The following AK7 variants were observed in gnomAD, a reference collection of about 807,000 sequenced individuals.
The protein encoded by AK7 is adenylate kinase 7, also known as ATP-AMP transphosphorylase 7.
A neutral mutation model predicts 96.6 loss-of-function variants in AK7; 78 were observed. That is an observed-to-expected ratio of 0.81 (90% CI 0.67 to 0.97). The LOEUF (loss-of-function observed/expected upper bound fraction) is 0.97. Ranked by LOEUF, AK7 falls within the 50% of genes least tolerant of loss-of-function variation. The pLI is 0.00. For missense variants in AK7, 855 were observed against 887.9 expected, an observed-to-expected ratio of 0.96 and a Z score of 0.47; for synonymous variants, 302 against 317.2, an observed-to-expected ratio of 0.95 and a Z score of 0.51.
At chr14:96,407,370 G>A (rs1695037333) in intron 3 of AK7, among the ~76,000 whole-genome samples, 1 of 152,122 alleles carries the variant, frequency 6.6e-6, no homozygotes, top group Non-Finnish European at 1.5e-5. Flanking sequence ...TGATCATAGT[G>A]TTCTTAGACT....
chr14:96,452,746 C>T (rs1238688244), intron 10 of AK7, among the ~76,000 whole-genome samples: 1 of 151,982 alleles, frequency 6.6e-6, no homozygotes, highest in East Asian at 1.9e-4. Context: ...GCAACCTCTG[C>T]CTCCCAGGTT....
At chr14:96,458,058 A>G (rs1420440572) in intron 11 of AK7, 25 bp from the exon 12 acceptor site, 5 of 1,609,024 alleles carry the variant, frequency 3.1e-6, no homozygotes, top group African/African-American at 2.7e-5. Flanking sequence ...GCATCATCCA[A>G]TGTGAATATC....
chr14:96,467,746 C>T (rs1199461613), intron 12 of AK7, among the ~76,000 whole-genome samples: 1 of 152,116 alleles, frequency 6.6e-6, no homozygotes, highest in Non-Finnish European at 1.5e-5. Context: ...GATTTTTAAA[C>T]TTTTGTATCT....
chr14:96,421,851 C>T (rs542707269), intron 5 of AK7, among the ~76,000 whole-genome samples: 17 of 152,254 alleles, frequency 1.1e-4, no homozygotes, highest in Admixed American at 2.6e-4. Context: ...GTGATCCGCC[C>T]GCCTGGAACT....
intron 4 of AK7, among the ~76,000 whole-genome samples, chr14:96,412,841 A>G (rs1482322907): frequency 7.2e-5 from 11 of 152,236 alleles, no homozygotes; most frequent in Non-Finnish European, 1.6e-4. Context: ...TGCTGGGATT[A>G]CAGGCGTGAG....
intron 12 of AK7, among the ~76,000 whole-genome samples, chr14:96,459,853 G>A (rs1450582152): frequency 6.6e-6 from 1 of 151,832 alleles, no homozygotes; most frequent in African/African-American, 2.4e-5. Context: ...CTCTAGCCTG[G>A]GCAACAGAGA....
intron 17 of AK7, 151 bp from the exon 18 acceptor site, chr14:96,488,154 C>T: frequency 5.2e-6 from 3 of 578,902 alleles, no homozygotes; most frequent in Non-Finnish European, 9.3e-6. Flanking sequence ...CTCAAGTGAT[C>T]CACCCGCCTC....
At chr14:96,424,187 C>G in intron 5 of AK7, 1 of 586,554 alleles carries the variant, frequency 1.7e-6, no homozygotes, top group East Asian at 4.1e-5. Flanking sequence ...GGCTCCAGGG[C>G]CCGGACCGCT....
At chr14:96,409,922 T>C (rs560275581) in intron 4 of AK7, among the ~76,000 whole-genome samples, 91 of 152,294 alleles carry the variant, frequency 6.0e-4, no homozygotes, top group Middle Eastern at 3.4e-3. Flanking sequence ...GTGATAACAA[T>C]AGCAATGGTG....
At chr14:96,447,892 C>T (rs991190026) in intron 8 of AK7, among the ~76,000 whole-genome samples, 1 of 152,106 alleles carries the variant, frequency 6.6e-6, no homozygotes, top group Admixed American at 6.6e-5. Flanking sequence ...CTGCCCTTCT[C>T]CTGGCTACTC....
At chr14:96,481,704 CTTT>C (rs574599095) in intron 15 of AK7, among the ~76,000 whole-genome samples, 5 of 132,996 alleles carry the variant, frequency 3.8e-5, no homozygotes, top group Non-Finnish European at 3.2e-5. Context: ...TGACTTTTAC[CTTT>C]TTTTTTTTTT....
intron 2 of AK7, among the ~76,000 whole-genome samples, chr14:96,402,468 T>C (rs1462905223): frequency 1.3e-5 from 2 of 152,184 alleles, no homozygotes; most frequent in African/African-American, 4.8e-5. Context: ...GCTGGAAACA[T>C]AGATGCTGTA....
At chr14:96,439,799 C>T (rs755011861) in intron 6 of AK7, among the ~76,000 whole-genome samples, 1 of 151,902 alleles carries the variant, frequency 6.6e-6, no homozygotes, top group African/African-American at 2.4e-5. Flanking sequence ...GTCTAACAGC[C>T]GCAGGTTCAA....
At chr14:96,425,479 G>GCTTT (rs1595397260) in intron 5 of AK7, among the ~76,000 whole-genome samples, 1 of 63,298 alleles carries the variant, frequency 1.6e-5, no homozygotes, top group Non-Finnish European at 3.0e-5. Context: ...GAGTCACACT[G>GCTTT]ATTTTTTTTT....
In AK7 at chr14:96,471,533, G is replaced by A. The variant is rs755262873; in HGVS notation, c.1413G>A (p.Met471Ile). ...IRFMKEKLKS[M>I]PCRNQGYILD... is the part of the protein sequence containing the mutation. ...TTATGAAAGAAAAGCTAAAATCAAT[G>A]CCTTGCAGGAATCAAGGTTATATTT... The change falls in exon 13 of 18, where the codon ATG (methionine) becomes ATA (isoleucine). Residue 471 changes from methionine (M) to isoleucine (I), a missense_variant. Transcript: ENST00000267584. 1.9e-6 allele frequency: 3 copies of A among 1,571,174 alleles called. No homozygotes were observed. Among genetic ancestry groups the A allele is most frequent in the Non-Finnish European group, 2.6e-6 (3 of 1,148,828 alleles).
chr14:96,458,179 G>A lies in AK7; in HGVS notation c.1324G>A (p.Asp442Asn). 3 of 1,614,054 alleles carry A rather than the reference G, an allele frequency of 1.9e-6. No homozygotes were observed. The highest frequency in any genetic ancestry group is 2.5e-6 in the Non-Finnish European group (3 of 1,179,964). ...TGTGGAAGATGCACAGGAGCTCCTA[G>A]ATGGCATCAAGGAGAGCATGGAGCA... ...ENVEDAQELL[D>N]GIKESMEQNA... Residue 442 changes from aspartate (D) to asparagine (N), a missense_variant, in exon 12 of 18, where the codon GAT (aspartate) becomes AAT (asparagine). Transcript: ENST00000267584.
chr14:96,423,665 C>T, intron 5 of AK7: 1 of 643,538 alleles, frequency 1.6e-6, no homozygotes, highest in Non-Finnish European at 2.9e-6. Context: ...TCGGGGCCTC[C>T]AGGACGGTTC....
chr14:96,438,011 T>C, intron 6 of AK7, 96 bp downstream of exon 6: 4 of 1,026,536 alleles, frequency 3.9e-6, no homozygotes, highest in Non-Finnish European at 5.8e-6. Context: ...GTGTGGTTAG[T>C]GCAGTAGAAT....
chr14:96,447,306 T>G (rs1382628175), intron 8 of AK7, among the ~76,000 whole-genome samples: 1 of 152,188 alleles, frequency 6.6e-6, no homozygotes, highest in African/African-American at 2.4e-5. Context: ...TTTAATATTA[T>G]TTATTTGTTT....
Sources: allele counts gnomAD v4.1 joint callset (sites outside exome capture counted in the v4.1 genomes callset), GRCh38; gene constraint gnomAD v4.1.1; transcripts MANE v1.5; gene names NCBI Gene and HGNC (gene_info 2026-07-23, HGNC 2026-07-21).